ST3GAL4: variants seen among roughly 807,000 people sequenced by gnomAD.
ST3GAL4 encodes CMP-N-acetylneuraminate-beta-galactosamide-alpha-2,3-sialyltransferase 4.
A neutral mutation model predicts 42.6 loss-of-function variants in ST3GAL4; 24 were observed. The observed-to-expected ratio is 0.56, with a 90% confidence interval of 0.41 to 0.79. The LOEUF is 0.79. Ranked by LOEUF, ST3GAL4 falls within the 30% of genes least tolerant of loss-of-function variation. The probability of loss-of-function intolerance (pLI) is 0.00; values close to 1 mark genes in which losing one functional copy is unlikely to be tolerated. For missense variants in ST3GAL4, 311 were observed against 430.8 expected (o/e 0.72, Z 2.46); for synonymous variants, 135 against 163.2 (o/e 0.83, Z 1.32).
At chr11:126,408,647 T>A (rs1486675145) in intron 8 of ST3GAL4, 151 bp downstream of exon 8, 2 of 921,298 alleles carry the variant, frequency 2.2e-6, no homozygotes, top group Non-Finnish European at 3.2e-6. Flanking sequence ...CGCCTTAGGC[T>A]GCCCTCCAAG....
At chr11:126,401,038 G>C (rs1384514726) in intron 1 of ST3GAL4, among the ~76,000 whole-genome samples, 1 of 152,172 alleles carries the variant, frequency 6.6e-6, no homozygotes, top group Admixed American at 6.5e-5. Context: ...GGGGTTGGGA[G>C]TGAGGAGAGA....
chr11:126,379,378 G>A lies in ST3GAL4; in HGVS notation c.-61+23536G>A, dbSNP rs1219108764. Among the ~76,000 whole-genome samples the A allele has an allele frequency of 6.6e-6, 1 of 152,174 alleles. No homozygotes were observed. Among genetic ancestry groups the A allele is most frequent in the Non-Finnish European group, 1.5e-5 (1 of 68,028 alleles). ...TGAGTCAATAGAAGGGGGCCACATGGAGTCTTGTTTCATTGTCTTGGGAAA... is the reference window on the plus strand; with the variant it reads ...TGAGTCAATAGAAGGGGGCCACATGAAGTCTTGTTTCATTGTCTTGGGAAA... On this transcript the variant is annotated intron_variant, in intron 1 of 10. Coordinates refer to ENST00000444328, the MANE Select transcript of ST3GAL4 (RefSeq NM_001254757.2). This position sits in a 1 kb window ranked among gnomAD's most constrained non-coding sequence, Gnocchi z 4.2.
chr11:126,369,537 G>T (rs1952562133), intron 1 of ST3GAL4, among the ~76,000 whole-genome samples: 1 of 152,096 alleles, frequency 6.6e-6, no homozygotes, highest in South Asian at 2.1e-4. Flanking sequence ...ATGAGCCACC[G>T]TGCTGGCTGA....
intron 1 of ST3GAL4, among the ~76,000 whole-genome samples, chr11:126,399,367 C>T (rs1276767940): frequency 3.1e-5 from 4 of 127,480 alleles, no homozygotes; most frequent in East Asian, 3.0e-4. Context: ...TTCAGTGGCA[C>T]GATCTCAGTT....
rs1388770833 is a variant in ST3GAL4 at position 126,411,965 on chromosome 11, CCA to C, written c.772-1536_772-1535del. ...TAATCGCATCATATTCACGGGCTCC[CCA>C]CACGCGCAAGGGAGGAGATTACATG... On this transcript the variant is annotated intron_variant, in intron 9 of 10. Coordinates refer to ENST00000444328, the MANE Select transcript of ST3GAL4 (RefSeq NM_001254757.2). The surrounding 1 kb of genome is among the most constrained non-coding windows in gnomAD (Gnocchi z 6.3). 6.6e-6 allele frequency among the ~76,000 whole-genome samples: 1 copy of C among 152,118 alleles called. No individual in the cohort carries two copies. Among genetic ancestry groups the C allele is most frequent in the African/African-American group, 2.4e-5 (1 of 41,386 alleles).
At position 126,400,495 on chromosome 11, in the gene ST3GAL4, A is replaced by T. The variant is rs985481772; in HGVS notation, c.-60-5601A>T. ...GGTGGAAAAGGGATGTGGCAGCTAC[A>T]GTGGGAGGGAAAAGGTGGCTCCCTT... On this transcript the variant is annotated intron_variant, in intron 1 of 10. Transcript: ENST00000444328. This position sits in a 1 kb window ranked among gnomAD's most constrained non-coding sequence, Gnocchi z 4.6. Among the ~76,000 whole-genome samples, 1 of 152,182 alleles carries T rather than the reference A, an allele frequency of 6.6e-6. No individual in the cohort carries two copies. The highest frequency in any genetic ancestry group is 2.4e-5 in the African/African-American group (1 of 41,448).
At chr11:126,402,451 GAA>G (rs575036017) in intron 1 of ST3GAL4, among the ~76,000 whole-genome samples, 5 of 100,962 alleles carry the variant, frequency 5.0e-5, no homozygotes, top group South Asian at 3.4e-4. Context: ...AAGACTGTCT[GAA>G]AAAAAAAAAA....
intron 6 of ST3GAL4, 118 bp from the exon 7 acceptor site, chr11:126,407,980 TG>T: frequency 8.7e-7 from 1 of 1,155,962 alleles, no homozygotes; most frequent in Non-Finnish European, 1.2e-6. Flanking sequence ...GCCTGCTTCA[TG>T]GGGACCAGGG....
rs1377464173 is a variant in ST3GAL4, at chr11:126,376,431, T to A, written c.-61+20589T>A. The stretch of plus-strand genomic sequence containing the variant: ...GTAAAAGCAAAATGAAGAATTTATT[T>A]GATTTAATTGGTTGCAATTACAAAA... On this transcript the variant is annotated intron_variant, in intron 1 of 10. Transcript: ENST00000444328. This position sits in a 1 kb window ranked among gnomAD's most constrained non-coding sequence, Gnocchi z 5.1. Among the ~76,000 whole-genome samples, 1 of 152,184 alleles carries A rather than the reference T, an allele frequency of 6.6e-6. No homozygotes were observed. The highest frequency in any genetic ancestry group is 1.5e-5 in the Non-Finnish European group (1 of 68,030).
intron 10 of ST3GAL4, 129 bp downstream of exon 10, chr11:126,413,777 A>G: frequency 8.9e-6 from 13 of 1,458,306 alleles, no homozygotes; most frequent in Non-Finnish European, 1.2e-5. Context: ...GAACCGAGGC[A>G]CCTGGACTCC....
At chr11:126,385,102 G>A (rs570711982) in intron 1 of ST3GAL4, among the ~76,000 whole-genome samples, 1 of 152,034 alleles carries the variant, frequency 6.6e-6, no homozygotes, top group East Asian at 1.9e-4. Flanking sequence ...TTTAAAAGAC[G>A]AGGACTCTGA....
intron 8 of ST3GAL4, among the ~76,000 whole-genome samples, chr11:126,408,983 C>T (rs1026639469): frequency 5.9e-5 from 9 of 152,244 alleles, no homozygotes; most frequent in Non-Finnish European, 1.0e-4. Flanking sequence ...TTAGTCCCTT[C>T]TACCTGTGTG....
Position 126,408,333 on chromosome 11 carries a change from A to G in ST3GAL4, c.464A>G (p.Tyr155Cys). 2 of 1,614,156 alleles carry G rather than the reference A, an allele frequency of 1.2e-6. No individual in the cohort carries two copies. The highest frequency in any genetic ancestry group is 1.1e-5 in the South Asian group (1 of 91,080). ...TTGAACAATGCCCCAGTGGCTGGCTATGAGGGTGACGTGGGCTCCAAGACC... is the reference window on the plus strand; with the variant it reads ...TTGAACAATGCCCCAGTGGCTGGCTGTGAGGGTGACGTGGGCTCCAAGACC... ...IRLNNAPVAG[Y>C]EGDVGSKTTM... Residue 155 changes from tyrosine (Y) to cysteine (C), a missense_variant, in exon 8 of 11, where the codon TAT (tyrosine) becomes TGT (cysteine). By Grantham distance (194) the Tyr-to-Cys change is radical (BLOSUM62 -2). Coordinates refer to ENST00000444328, the MANE Select transcript of ST3GAL4 (RefSeq NM_001254757.2).
At chr11:126,387,836 G>T (rs1953289302) in intron 1 of ST3GAL4, among the ~76,000 whole-genome samples, 2 of 152,146 alleles carry the variant, frequency 1.3e-5, no homozygotes, top group Admixed American at 6.5e-5. Flanking sequence ...ACATATCTGG[G>T]TATGCATGTA....
intron 1 of ST3GAL4, among the ~76,000 whole-genome samples, chr11:126,356,498 C>G (rs1952068569): frequency 6.6e-6 from 1 of 152,182 alleles, no homozygotes. Context: ...CCCGGCCAGC[C>G]CAGAACTGCC....
chr11:126,407,329 C>T lies in ST3GAL4; in HGVS notation c.260C>T (p.Pro87Leu), dbSNP rs747059375. The stretch of plus-strand genomic sequence containing the variant: ...AAGACGCCATCTGCTTACGAGCTGC[C>T]CTATGGGACCAAGGGGAGTGGTAAG... ...WVKTPSAYEL[P>L]YGTKGSEDLL... is the part of the protein sequence containing the mutation. Residue 87 changes from proline (P) to leucine (L), a missense_variant, in exon 5 of 11, where the codon CCC becomes CTC. Coordinates refer to ENST00000444328, the MANE Select transcript of ST3GAL4 (RefSeq NM_001254757.2). The T allele has an allele frequency of 1.9e-6, 3 of 1,614,172 alleles. No homozygotes were observed. The highest frequency in any genetic ancestry group is 2.5e-6 in the Non-Finnish European group (3 of 1,180,022).
Position 126,413,534 on chromosome 11 carries a change from G to A in ST3GAL4, c.801G>A (p.Thr267=), listed in dbSNP as rs1299015889. 4.3e-6 allele frequency: 7 copies of A among 1,614,216 alleles called. No homozygotes were observed. Among genetic ancestry groups the A allele is most frequent in the South Asian group, 1.1e-5 (1 of 91,090 alleles). The change falls in exon 10 of 11, where the codon ACG becomes ACA. Residue 267 remains threonine (T), a synonymous_variant. Transcript: ENST00000444328. ...QKPTTGLLAI[T]LALHLCDLVH... is the part of the protein sequence containing the mutation. ...CCACCACGGGCCTGTTGGCCATCACGCTGGCCCTCCACCTCTGTGACTTGG... is the reference window on the plus strand; with the variant it reads ...CCACCACGGGCCTGTTGGCCATCACACTGGCCCTCCACCTCTGTGACTTGG...
At chr11:126,369,108 G>A (rs2135400216) in intron 1 of ST3GAL4, among the ~76,000 whole-genome samples, 1 of 152,328 alleles carries the variant, frequency 6.6e-6, no homozygotes, top group African/African-American at 2.4e-5. Context: ...GGCAAGTAGG[G>A]CTAGTCAGTG....
At chr11:126,401,577 AG>A (rs894560615) in intron 1 of ST3GAL4, among the ~76,000 whole-genome samples, 2 of 149,360 alleles carry the variant, frequency 1.3e-5, no homozygotes, top group Non-Finnish European at 3.0e-5. Context: ...AAGAAGAAGA[AG>A]AAAAAAAAAA....
Sources: allele counts gnomAD v4.1 joint callset (sites outside exome capture counted in the v4.1 genomes callset), GRCh38; gene constraint gnomAD v4.1.1; non-coding constraint Gnocchi (gnomAD v3.1); transcripts MANE v1.5; gene names NCBI Gene and HGNC (gene_info 2026-07-23, HGNC 2026-07-21).